Variants in MAK16 observed in about 807,000 individuals in gnomAD.
The protein encoded by MAK16 is protein MAK16 homolog.
Under a neutral mutation model 49.9 loss-of-function variants are expected in MAK16, and 12 were observed. The observed-to-expected ratio is 0.24, with a 90% CI of 0.15 to 0.39. The LOEUF is 0.39. MAK16 is among the 10% of genes least tolerant of loss of function. The pLI, the probability that MAK16 is intolerant of heterozygous loss-of-function variation, is 1.00. For missense variants in MAK16, 292 were observed against 363.7 expected, an observed-to-expected ratio of 0.80 and a Z score of 1.60; for synonymous variants, 115 against 126.4, an observed-to-expected ratio of 0.91 and a Z score of 0.60.
rs201997034 is a variant in MAK16, at chr8:33,498,587, C to T, written c.861C>T (p.Tyr287=). ...QRKRAYVEIE[Y]EQETEPVAKA... ...AACGAGCCTATGTGGAAATAGAATA[C>T]GAGCAGGAGACAGAGCCCGTGGCCA... Residue 287 remains tyrosine, a synonymous_variant, in exon 10 of 10, where the codon TAC becomes TAT. Transcript: ENST00000360128. 32 of 1,613,784 alleles carry T rather than the reference C, an allele frequency of 2.0e-5. No individual in the cohort carries two copies. The highest frequency in any genetic ancestry group is 1.7e-4 in the Middle Eastern group (1 of 6,046).
rs1210383488 is a variant in MAK16, at chr8:33,499,039, G to C, written c.*410G>C. The stretch of plus-strand genomic sequence containing the variant: ...TTTCCCTATTCTTATGGAGGTAAAA[G>C]GAAAGGAAGGAAGGAAAAAGCAGCT... On this transcript the variant is annotated 3_prime_UTR_variant, in exon 10 of 10. Transcript: ENST00000360128. 1.4e-6 allele frequency: 1 copy of C among 700,914 alleles called. No homozygotes were observed. Among genetic ancestry groups the C allele is most frequent in the East Asian group, 2.8e-5 (1 of 35,406 alleles). The allele number at this position is 700,914 out of a possible 1,614,324, so 43.4% of individuals were successfully genotyped here. A position where few individuals can be genotyped will look rare whatever the true frequency, so the allele number is the denominator to read the frequency against.
chr8:33,489,471 G>A lies in MAK16; in HGVS notation c.392+332G>A, dbSNP rs964235315. 2.0e-5 allele frequency among the ~76,000 whole-genome samples: 3 copies of A among 152,078 alleles called. No individual in the cohort carries two copies. The highest frequency in any genetic ancestry group is 4.4e-5 in the Non-Finnish European group (3 of 68,014). ...AGCTCACTGCAACCTCCATCTCCCCGGTTGAAGCAATCCTCCCACCTCAGC... is the reference window on the plus strand; with the variant it reads ...AGCTCACTGCAACCTCCATCTCCCCAGTTGAAGCAATCCTCCCACCTCAGC... On this transcript the variant is annotated intron_variant, in intron 5 of 9. Transcript: ENST00000360128. The surrounding 1 kb of genome is among the most constrained non-coding windows in gnomAD (Gnocchi z 4.2).
chr8:33,485,230 C>T lies in MAK16; in HGVS notation c.15+9C>T, dbSNP rs1263335932. The stretch of plus-strand genomic sequence containing the variant: ...CCATGCAGTCGGATGATGTGAGTCT[C>T]CTCCGGTTGTTCTTACACCCGGGGT... On this transcript the variant is annotated intron_variant, in intron 1 of 9. Coordinates refer to ENST00000360128, the MANE Select transcript of MAK16 (RefSeq NM_032509.4). 8 of 1,614,108 alleles carry T rather than the reference C, an allele frequency of 5.0e-6. No homozygotes were observed. Among genetic ancestry groups the T allele is most frequent in the Non-Finnish European group, 6.8e-6 (8 of 1,180,048 alleles).
chr8:33,491,184 A>G (rs988896206), intron 6 of MAK16, among the ~76,000 whole-genome samples: 1 of 152,166 alleles, frequency 6.6e-6, no homozygotes, highest in Non-Finnish European at 1.5e-5. Context: ...CCATTCATCT[A>G]TTGATGGACA....
At chr8:33,490,835 T>C (rs1162900646) in intron 6 of MAK16, among the ~76,000 whole-genome samples, 1 of 152,244 alleles carries the variant, frequency 6.6e-6, no homozygotes, top group Non-Finnish European at 1.5e-5. Context: ...ATTAAATAAT[T>C]GACTATAGTC....
intron 9 of MAK16, 106 bp from the exon 10 acceptor site, chr8:33,498,326 A>G: frequency 1.1e-6 from 1 of 932,926 alleles, no homozygotes; most frequent in Non-Finnish European, 1.6e-6. Context: ...ACACAGACAT[A>G]GACAAATCAA....
Position 33,499,174 on chromosome 8 carries a change from T to G in MAK16, c.*545T>G, listed in dbSNP as rs768459610. 6.2e-7 allele frequency: 1 copy of G among 1,611,804 alleles called. No individual in the cohort carries two copies. ...CCTCTTGGGAAAGTAATACAAGTCT[T>G]AAGTTCCATTGTAGGGTGCGCCTTC... is the stretch of plus-strand genomic sequence containing the variant. On this transcript the variant is annotated 3_prime_UTR_variant, in exon 10 of 10. Transcript: ENST00000360128.
At chr8:33,495,975 A>G (rs1050129453) in intron 7 of MAK16, among the ~76,000 whole-genome samples, 1 of 151,824 alleles carries the variant, frequency 6.6e-6, no homozygotes, top group African/African-American at 2.4e-5. Context: ...TGGCTGGGAA[A>G]TGTTTTTTAA....
intron 1 of MAK16, 46 bp from the exon 2 acceptor site, chr8:33,488,332 C>A (rs771231036): frequency 2.5e-6 from 4 of 1,587,132 alleles, no homozygotes; most frequent in Admixed American, 3.3e-5. Flanking sequence ...AATATAGTAT[C>A]TCTTGGGGCA....
intron 1 of MAK16, among the ~76,000 whole-genome samples, chr8:33,487,339 A>C (rs1310729267): frequency 3.3e-5 from 5 of 152,236 alleles, no homozygotes; most frequent in Non-Finnish European, 7.3e-5. Flanking sequence ...GAGCACATTA[A>C]GTACAGGAGG....
intron 6 of MAK16, among the ~76,000 whole-genome samples, chr8:33,494,310 G>T (rs1383876957): frequency 1.3e-5 from 2 of 152,110 alleles, no homozygotes; most frequent in Non-Finnish European, 2.9e-5. Flanking sequence ...CCTGACGTCG[G>T]GTGATCTGCC....
At position 33,499,707 on chromosome 8, in the gene MAK16, G is replaced by T; in HGVS notation, c.*1078G>T. 6.0e-6 allele frequency: 1 copy of T among 167,388 alleles called. No homozygotes were observed. The highest frequency in any genetic ancestry group is 5.9e-5 in the Admixed American group (1 of 17,064). The allele number at this position is 167,388 out of a possible 1,614,324, so 10.4% of individuals were successfully genotyped here. A position where few individuals can be genotyped will look rare whatever the true frequency, so the allele number is the denominator to read the frequency against. On this transcript the variant is annotated 3_prime_UTR_variant, in exon 10 of 10. Coordinates refer to ENST00000360128, the MANE Select transcript of MAK16 (RefSeq NM_032509.4). ...CTGGGTAGATTGTCCAGTGACTTAT[G>T]GCATGAATTTCTTTTCATGCTACCT...
chr8:33,494,373 C>T (rs1808823883), intron 6 of MAK16, among the ~76,000 whole-genome samples: 1 of 152,180 alleles, frequency 6.6e-6, no homozygotes, highest in African/African-American at 2.4e-5. Context: ...CCTTGCCAGC[C>T]TGGTTCTACA....
chr8:33,490,520 T>G (rs985476947), intron 6 of MAK16, among the ~76,000 whole-genome samples, 181 bp downstream of exon 6: 1 of 152,232 alleles, frequency 6.6e-6, no homozygotes, highest in African/African-American at 2.4e-5. Flanking sequence ...TCAGCACAGG[T>G]TAAAGTATGT....
intron 6 of MAK16, among the ~76,000 whole-genome samples, chr8:33,491,753 C>A (rs1808783357): frequency 6.6e-6 from 1 of 151,074 alleles, no homozygotes; most frequent in African/African-American, 2.4e-5. Flanking sequence ...CATGCCTCAG[C>A]CTCCCAAGTA....
Position 33,500,047 on chromosome 8 carries a change from CTT to C in MAK16, c.*1421_*1422del, listed in dbSNP as rs1333912226. 3.9e-6 allele frequency: 1 copy of C among 253,702 alleles called. No homozygotes were observed. The highest frequency in any genetic ancestry group is 7.6e-6 in the Non-Finnish European group (1 of 132,130). The allele number at this position is 253,702 out of a possible 1,614,324, so 15.7% of individuals were successfully genotyped here. A position where few individuals can be genotyped will look rare whatever the true frequency, so the allele number is the denominator to read the frequency against. ...TAGAACAGAACTTAAATTTTACAAA[CTT>C]TTGATCATAATGCTTTTGCCCATAC... On this transcript the variant is annotated 3_prime_UTR_variant, in exon 10 of 10. Transcript: ENST00000360128.
intron 7 of MAK16, 119 bp from the exon 8 acceptor site, chr8:33,496,506 C>T (rs1029371270): frequency 1.5e-6 from 1 of 659,562 alleles, no homozygotes; most frequent in African/African-American, 1.8e-5. Flanking sequence ...AAATATTACT[C>T]ATCAAATTAA....
intron 1 of MAK16, 43 bp downstream of exon 1, chr8:33,485,264 G>A (rs1372336180): frequency 1.4e-5 from 22 of 1,613,976 alleles, no homozygotes; most frequent in Non-Finnish European, 1.7e-5. Context: ...GTTTGCGCAG[G>A]GAATTTTGCC....
intron 3 of MAK16, 49 bp from the exon 4 acceptor site, chr8:33,488,685 T>A: frequency 6.2e-7 from 1 of 1,611,278 alleles, no homozygotes; most frequent in Non-Finnish European, 8.5e-7. Context: ...TACAGGGATG[T>A]TCTTTAGTTT....
Sources: allele counts gnomAD v4.1 joint callset (sites outside exome capture counted in the v4.1 genomes callset), GRCh38; gene constraint gnomAD v4.1.1; non-coding constraint Gnocchi (gnomAD v3.1); transcripts MANE v1.5; gene names NCBI Gene and HGNC (gene_info 2026-07-23, HGNC 2026-07-21).